The following TCF4 variants were observed in gnomAD, a reference collection of about 807,000 sequenced individuals.
TCF4 encodes transcription factor 4.
A neutral mutation model predicts 82.1 loss-of-function variants in TCF4; 3 were observed. The ratio of observed to expected loss-of-function variants is 0.04; its 90% CI spans 0.02 to 0.09. TCF4 has a LOEUF of 0.09. Ranked by LOEUF, TCF4 falls within the 10% of genes least tolerant of loss-of-function variation. TCF4 has a pLI of 1.00. For synonymous variants in TCF4, 276 were observed against 309.6 expected (o/e 0.89, Z 1.14); for missense variants, 518 against 852.7 (o/e 0.61, Z 4.89).
intron 11 of TCF4, chr18:55,268,900 C>T (rs991268725): frequency 1.3e-5 from 2 of 152,238 alleles, no homozygotes; most frequent in African/African-American, 4.8e-5. Flanking sequence ...TGAGCTATAA[C>T]CGCAGAAAGT....
chr18:55,403,866 A>G (rs1383290133), intron 5 of TCF4: 4 of 1,466,600 alleles, frequency 2.7e-6, no homozygotes, highest in Non-Finnish European at 3.6e-6. Flanking sequence ...CAGGCAAATT[A>G]TCTATGTAAT....
chr18:55,437,144 T>C lies in TCF4; in HGVS notation c.304+23875A>G, dbSNP rs140433692. ...TACAAAAAATAATGAATGGGGGTTC[T>C]TTTCGAAATATTTATAATGCTGACT... On this transcript the variant is annotated intron_variant, in intron 5 of 19. Transcript: ENST00000354452. Among the ~76,000 whole-genome samples, 18 of 152,358 alleles carry C rather than the reference T, an allele frequency of 1.2e-4. No homozygotes were observed. The East Asian group carries it at 3.5e-3, about 29-fold the overall frequency.
At chr18:55,271,484 G>T (rs73488969) in intron 10 of TCF4, among the ~76,000 whole-genome samples, 2 of 152,132 alleles carry the variant, frequency 1.3e-5, no homozygotes, top group South Asian at 4.1e-4. Context: ...ATGAATCTAC[G>T]TATTAGAGGT....
intron 8 of TCF4, among the ~76,000 whole-genome samples, chr18:55,334,180 T>C (rs2051600992): frequency 6.6e-6 from 1 of 152,156 alleles, no homozygotes; most frequent in Non-Finnish European, 1.5e-5. Context: ...AATAAAACCA[T>C]AATATTAAGA....
intron 8 of TCF4, among the ~76,000 whole-genome samples, chr18:55,339,712 T>C (rs73490827): frequency 0.021 from 3,161 of 152,314 alleles, 94 homozygotes; most frequent in African/African-American, 0.071. Context: ...TGTTTTTTTC[T>C]TTAAATGCAA....
intron 3 of TCF4, among the ~76,000 whole-genome samples, chr18:55,556,276 A>C (rs1272350894): frequency 6.6e-6 from 1 of 152,180 alleles, no homozygotes; most frequent in African/African-American, 2.4e-5. Context: ...CAAGAGCAAT[A>C]GTGTTTAAGA....
intron 8 of TCF4, among the ~76,000 whole-genome samples, chr18:55,347,346 A>C (rs887973426): frequency 6.6e-6 from 1 of 152,130 alleles, no homozygotes; most frequent in Non-Finnish European, 1.5e-5. Context: ...TCCTTTAAAA[A>C]AAAAATCACC....
rs1299734288 is a variant in TCF4 at position 55,223,707 on chromosome 18, C to CA, written c.*4327_*4328insT. 15 of 99,436 alleles carry CA rather than the reference C, an allele frequency of 1.5e-4. No individual in the cohort carries two copies. The highest frequency in any genetic ancestry group is 6.1e-4 in the African/African-American group (13 of 21,256). The allele number at this position is 99,436 out of a possible 1,614,324, so 6.2% of individuals were successfully genotyped here. A position where few individuals can be genotyped will look rare whatever the true frequency, so the allele number is the denominator to read the frequency against. On this transcript the variant is annotated 3_prime_UTR_variant, in exon 20 of 20. Coordinates refer to ENST00000354452, the MANE Select transcript of TCF4 (RefSeq NM_001083962.2). ...TTTTTTTTTTTTTTTGAAATGTTTT[C>CA]CCTTTTTTTTTTTTTAACAATTTTT...
intron 8 of TCF4, among the ~76,000 whole-genome samples, chr18:55,311,953 C>T (rs1194434403): frequency 6.6e-6 from 1 of 152,144 alleles, no homozygotes; most frequent in Non-Finnish European, 1.5e-5. Flanking sequence ...TCCAGCCATA[C>T]ATTCATCATC....
intron 8 of TCF4, among the ~76,000 whole-genome samples, chr18:55,325,781 G>A (rs1012734248): frequency 6.6e-6 from 1 of 152,012 alleles, no homozygotes; most frequent in African/African-American, 2.4e-5. Context: ...GCCTAGCATG[G>A]CTGAATTAGC....
chr18:55,410,706 A>G (rs1210372275), intron 5 of TCF4, among the ~76,000 whole-genome samples: 2 of 152,000 alleles, frequency 1.3e-5, no homozygotes, highest in Non-Finnish European at 2.9e-5. Flanking sequence ...AGTTTTCTAG[A>G]TGTATCATTA....
intron 5 of TCF4, among the ~76,000 whole-genome samples, chr18:55,459,687 C>T (rs2095837595): frequency 6.6e-6 from 1 of 152,266 alleles, no homozygotes; most frequent in Non-Finnish European, 1.5e-5. Flanking sequence ...TATCTGGTCA[C>T]CTGTATCTAC....
rs142614039 is a variant in TCF4, at chr18:55,314,144, A to G, written c.550-34488T>C. 5.3e-3 allele frequency among the ~76,000 whole-genome samples: 806 copies of G among 152,284 alleles called. 3 individuals are homozygous for G. Among genetic ancestry groups the G allele is most frequent in the African/African-American group, 0.018 (767 of 41,570 alleles). ...TGAAAAACACTGTAGTCTTTTAATCACATCAACACACAAAAAGGCACTACA... is the reference window on the plus strand; with the variant it reads ...TGAAAAACACTGTAGTCTTTTAATCGCATCAACACACAAAAAGGCACTACA... On this transcript the variant is annotated intron_variant, in intron 8 of 19. Coordinates refer to ENST00000354452, the MANE Select transcript of TCF4 (RefSeq NM_001083962.2).
intron 2 of TCF4, among the ~76,000 whole-genome samples, chr18:55,629,015 A>G (rs2097729172): frequency 6.6e-6 from 1 of 152,234 alleles, no homozygotes; most frequent in Non-Finnish European, 1.5e-5. Context: ...GTAGTAAATA[A>G]TTTCATAAAT....
intron 8 of TCF4, among the ~76,000 whole-genome samples, chr18:55,294,708 C>T (rs561064764): frequency 2.0e-5 from 3 of 152,258 alleles, no homozygotes; most frequent in East Asian, 1.9e-4. Flanking sequence ...AGAAACTCAT[C>T]GATGTAGAAT....
intron 3 of TCF4, among the ~76,000 whole-genome samples, chr18:55,498,296 C>A (rs2096659864): frequency 6.6e-6 from 1 of 152,196 alleles, no homozygotes. Flanking sequence ...CCTCGCCTTA[C>A]ACAACCCTGA....
intron 2 of TCF4, among the ~76,000 whole-genome samples, chr18:55,597,303 T>C (rs968628354): frequency 6.6e-6 from 1 of 152,218 alleles, no homozygotes; most frequent in Non-Finnish European, 1.5e-5. Flanking sequence ...GGGATTATAA[T>C]GGAGAGGAGA....
At chr18:55,537,038 G>A (rs1052743278) in intron 3 of TCF4, among the ~76,000 whole-genome samples, 5 of 151,682 alleles carry the variant, frequency 3.3e-5, no homozygotes, top group Non-Finnish European at 5.9e-5. Flanking sequence ...AGAGGCTGAG[G>A]CAGGAGAATG....
At chr18:55,276,894 A>C (rs975426197) in intron 9 of TCF4, among the ~76,000 whole-genome samples, 1 of 152,192 alleles carries the variant, frequency 6.6e-6, no homozygotes, top group African/African-American at 2.4e-5. Context: ...CGGAAGTTAG[A>C]ATTTTGTAAC....
Sources: gnomAD v4.1 joint callset for allele counts (sites outside exome capture counted in the v4.1 genomes callset) on GRCh38, gnomAD v4.1.1 for gene constraint, MANE v1.5 for transcripts, NCBI Gene and HGNC (gene_info 2026-07-23, HGNC 2026-07-21) for gene names.